Variants in THG1L observed in about 807,000 individuals in gnomAD.
THG1L encodes the protein tRNA-histidine guanylyltransferase 1 like.
Under a neutral mutation model 35.2 loss-of-function variants are expected in THG1L, and 27 were observed. The observed-to-expected ratio is 0.77, with a 90% CI of 0.57 to 1.06. The LOEUF is 1.06. Among genes scored for constraint, THG1L ranks in the 50% least tolerant of loss-of-function variants. THG1L has a pLI of 0.00. For synonymous variants in THG1L, 135 were observed against 132.4 expected, an observed-to-expected ratio of 1.02 and a Z score of -0.14; for missense variants, 377 against 371.8, an observed-to-expected ratio of 1.01 and a Z score of -0.12.
In THG1L at chr5:157,739,695, C is replaced by T. The variant is rs779715139; in HGVS notation, c.*213C>T. 2.1e-5 allele frequency: 9 copies of T among 424,274 alleles called. No homozygotes were observed. The highest frequency in any genetic ancestry group is 2.8e-5 in the Non-Finnish European group (7 of 249,858). 26.3% of individuals were successfully genotyped at this position (424,274 alleles called of 1,614,324 possible). On this transcript the variant is annotated 3_prime_UTR_variant, in exon 6 of 6. Transcript: ENST00000231198. The stretch of plus-strand genomic sequence containing the variant: ...GAACACCTTGTTTGCGGTGTTGGAA[C>T]ATGGTTCCTTTGGCAGAAGTGCTTT...
At chr5:157,735,997 C>CTTTT in intron 4 of THG1L, 63 bp downstream of exon 4, 1 of 1,119,344 alleles carries the variant, frequency 8.9e-7, no homozygotes, top group East Asian at 2.5e-5. Context: ...TCTCCCATAA[C>CTTTT]TTTTTTTTTG....
At chr5:157,731,717 C>CCAGTCACGGTTACCAGGGTAACGCGG in intron 1 of THG1L, 86 bp downstream of exon 1, 1 of 1,485,170 alleles carries the variant, frequency 6.7e-7, no homozygotes, top group Non-Finnish European at 9.1e-7. Context: ...CCCGCCCGCT[C>CCAGTCACGGTTACCAGGGTAACGCGG]CAGTCACGGT....
At chr5:157,732,307 G>A (rs1760751204) in intron 1 of THG1L, among the ~76,000 whole-genome samples, 1 of 149,920 alleles carries the variant, frequency 6.7e-6, no homozygotes, top group Non-Finnish European at 1.5e-5. Context: ...TAATTTGCCC[G>A]GCGCAGTGGT....
intron 3 of THG1L, among the ~76,000 whole-genome samples, chr5:157,735,217 C>T (rs3777050): frequency 0.21 from 31,533 of 152,082 alleles, 3,435 homozygotes; most frequent in South Asian, 0.28. Flanking sequence ...GGATTATAGG[C>T]GTGAGCCACC....
Position 157,731,437 on chromosome 5 carries a change from T to TAGA in THG1L, c.-2_1dup, listed in dbSNP as rs1462259729. 3.8e-6 allele frequency: 6 copies of TAGA among 1,584,976 alleles called. No individual in the cohort carries two copies. In the African/African-American group the frequency reaches 6.7e-5, roughly 18 times the overall value. ...TATCTGGCCCTTTCCTTTCCGCGTG[T>TAGA]AGAATGTGGGGCGCCTGTAAAGTTA... On this transcript the variant is annotated 5_prime_UTR_variant, in exon 1 of 6. Coordinates refer to ENST00000231198, the MANE Select transcript of THG1L (RefSeq NM_017872.5).
At chr5:157,737,504 T>G (rs551070844) in intron 4 of THG1L, among the ~76,000 whole-genome samples, 16 of 151,522 alleles carry the variant, frequency 1.1e-4, no homozygotes, top group Admixed American at 6.6e-4. Context: ...GGCATACTGG[T>G]AGGTATATCC....
At chr5:157,732,416 C>A (rs922632911) in intron 1 of THG1L, among the ~76,000 whole-genome samples, 5 of 151,824 alleles carry the variant, frequency 3.3e-5, no homozygotes, top group African/African-American at 9.7e-5. Flanking sequence ...ACACTGCACT[C>A]CAGCTTGGGT....
At chr5:157,738,661 A>G in intron 5 of THG1L, 2 of 431,650 alleles carry the variant, frequency 4.6e-6, no homozygotes, top group Non-Finnish European at 4.6e-6. Flanking sequence ...TCCACTGGCA[A>G]CTCCAGCTCT....
Position 157,740,317 on chromosome 5 carries a change from C to CATAG in THG1L, c.*836_*839dup, listed in dbSNP as rs1487537094. 1 of 152,210 alleles carries CATAG rather than the reference C, an allele frequency of 6.6e-6. No homozygotes were observed. The highest frequency in any genetic ancestry group is 2.4e-5 in the African/African-American group (1 of 41,450). 9.4% of individuals were successfully genotyped at this position (152,210 alleles called of 1,614,324 possible). A position where few individuals can be genotyped will look rare whatever the true frequency, so the allele number is the denominator to read the frequency against. On this transcript the variant is annotated 3_prime_UTR_variant, in exon 6 of 6. Transcript: ENST00000231198. ...TTAGACTTCTTGAAAAACATTCTCA[C>CATAG]ATAGCCTCTATGTAATCAGACAAAT...
At chr5:157,738,441 T>G (rs756808461) in intron 5 of THG1L, among the ~76,000 whole-genome samples, 33 of 152,230 alleles carry the variant, frequency 2.2e-4, no homozygotes, top group Admixed American at 3.3e-4. Flanking sequence ...TGTCATGAGA[T>G]TCCCTTGACA....
chr5:157,735,295 C>T (rs1399133832), intron 3 of THG1L, among the ~76,000 whole-genome samples: 1 of 152,106 alleles, frequency 6.6e-6, no homozygotes, highest in East Asian at 1.9e-4. Flanking sequence ...TGCATTCTTA[C>T]TTAGTACTAG....
At chr5:157,735,744 A>G (rs1192943548) in intron 3 of THG1L, 102 bp from the exon 4 acceptor site, 1 of 747,186 alleles carries the variant, frequency 1.3e-6, no homozygotes, top group African/African-American at 1.9e-5. Context: ...AGATCTCTTT[A>G]CTATGAAAGA....
chr5:157,734,870 T>C, intron 3 of THG1L, 125 bp downstream of exon 3: 1 of 1,004,204 alleles, frequency 1.0e-6, no homozygotes, highest in Non-Finnish European at 1.4e-6. Flanking sequence ...GAATGCAGTA[T>C]TTAAATATTT....
At chr5:157,734,506 T>C in intron 2 of THG1L, 70 bp from the exon 3 acceptor site, 1 of 1,573,616 alleles carries the variant, frequency 6.4e-7, no homozygotes, top group Non-Finnish European at 8.7e-7. Context: ...ACAGGTCTTA[T>C]CATGGTGTTG....
At chr5:157,733,226 CCT>C (rs1224903619) in intron 2 of THG1L, among the ~76,000 whole-genome samples, 182 bp downstream of exon 2, 1 of 152,160 alleles carries the variant, frequency 6.6e-6, no homozygotes, top group Non-Finnish European at 1.5e-5. Flanking sequence ...ATTCTGTGTG[CCT>C]CTTTTATCTG....
rs891695231 is a variant in THG1L at position 157,739,358 on chromosome 5, C to T, written c.773C>T (p.Thr258Ile). The T allele has an allele frequency of 1.2e-6, 2 of 1,613,192 alleles. No individual in the cohort carries two copies. The highest frequency in any genetic ancestry group is 1.3e-5 in the African/African-American group (1 of 74,858). The change falls in exon 6 of 6, where the codon ACA becomes ATA. Residue 258 changes from threonine to isoleucine, a missense_variant. By Grantham distance (89) the Thr-to-Ile change is moderately conservative. Transcript: ENST00000231198. ...EVMTKEIKLP[T>I]EMEGKKMAVT... ...ATGACAAAAGAAATTAAGCTGCCAA[C>T]AGAAATGGAAGGAAAAAAGATGGCA... is the stretch of plus-strand genomic sequence containing the variant.
At position 157,740,348 on chromosome 5, in the gene THG1L, T is replaced by A. The variant is rs1266651557; in HGVS notation, c.*866T>A. The A allele has an allele frequency of 6.6e-6, 1 of 152,168 alleles. No individual in the cohort carries two copies. Among genetic ancestry groups the A allele is most frequent in the East Asian group, 1.9e-4 (1 of 5,188 alleles). 9.4% of individuals were successfully genotyped at this position (152,168 alleles called of 1,614,324 possible). A position where few individuals can be genotyped will look rare whatever the true frequency, so the allele number is the denominator to read the frequency against. On this transcript the variant is annotated 3_prime_UTR_variant, in exon 6 of 6. Coordinates refer to ENST00000231198, the MANE Select transcript of THG1L (RefSeq NM_017872.5). The stretch of plus-strand genomic sequence containing the variant: ...CTCTATGTAATCAGACAAATGACAT[T>A]TGATTTCAAGAGCAGAGGGGTAAAC...
At chr5:157,731,741 C>G (rs1561610260) in intron 1 of THG1L, 110 bp downstream of exon 1, 1 of 1,373,082 alleles carries the variant, frequency 7.3e-7, no homozygotes. Flanking sequence ...CAGGGTAACG[C>G]GGTAGCCAAT....
chr5:157,736,026 CT>C, intron 4 of THG1L, 92 bp downstream of exon 4: 2 of 811,718 alleles, frequency 2.5e-6, no homozygotes, highest in Non-Finnish European at 4.0e-6. Context: ...ACATTTCTTT[CT>C]TTTAAGATCC....
Sources: gnomAD v4.1 joint callset for allele counts (sites outside exome capture counted in the v4.1 genomes callset) on GRCh38, gnomAD v4.1.1 for gene constraint, MANE v1.5 for transcripts, NCBI Gene and HGNC (gene_info 2026-07-23, HGNC 2026-07-21) for gene names.